The following LMO7 variants were observed in gnomAD, a reference collection of about 807,000 sequenced individuals.
LMO7 encodes LIM domain only protein 7.
Under a neutral mutation model 206.5 loss-of-function variants are expected in LMO7, and 120 were observed. The observed-to-expected ratio is 0.58, with a 90% CI of 0.50 to 0.68. LMO7 has a LOEUF of 0.68. Among genes scored for constraint, LMO7 ranks in the 30% least tolerant of loss-of-function variants. The pLI, the probability that LMO7 is intolerant of heterozygous loss-of-function variation, is 0.00. For missense variants in LMO7, 1,959 were observed against 1,957.9 expected (o/e 1.00, Z -0.01); for synonymous variants, 706 against 681.5 (o/e 1.04, Z -0.56).
At chr13:75,703,852 A>G (rs1320285870) in intron 1 of LMO7, among the ~76,000 whole-genome samples, 2 of 152,216 alleles carry the variant, frequency 1.3e-5, no homozygotes, top group Non-Finnish European at 2.9e-5. Flanking sequence ...GGAAAGAGGT[A>G]GGAGATATTT....
intron 1 of LMO7, among the ~76,000 whole-genome samples, chr13:75,674,408 CA>C (rs912350884): frequency 6.6e-6 from 1 of 152,090 alleles, no homozygotes; most frequent in African/African-American, 2.4e-5. Context: ...GGATTATCAT[CA>C]AATGAAAATA....
chr13:75,629,852 C>T (rs962409290), intron 2 of LMO7, among the ~76,000 whole-genome samples: 3 of 152,078 alleles, frequency 2.0e-5, no homozygotes, highest in Admixed American at 6.6e-5. Flanking sequence ...ACCAAAAAGT[C>T]GTGCATGACC....
intron 4 of LMO7, among the ~76,000 whole-genome samples, chr13:75,776,847 C>T (rs2050577559): frequency 6.6e-6 from 1 of 152,144 alleles, no homozygotes; most frequent in South Asian, 2.1e-4. Flanking sequence ...GTTGATTTTC[C>T]TATCAATTTA....
In LMO7 at chr13:75,817,239, A is replaced by G. The variant is rs778608916; in HGVS notation, c.2025A>G (p.Ile675Met). Residue 675 changes from isoleucine (I) to methionine (M), a missense_variant, in exon 12 of 31, where the codon ATA (isoleucine) becomes ATG (methionine). By Grantham distance (10) the Ile-to-Met change is conservative. Coordinates refer to ENST00000377534, the MANE Select transcript of LMO7 (RefSeq NM_001306080.2). ...TGCGTTACGAGGAGATGCAGAAAAT[A>G]AAATCACAATTAAAAGAACAAGATC... The part of the protein sequence containing the change: ...RQLRYEEMQK[I>M]KSQLKEQDQK... 5.0e-6 allele frequency: 8 copies of G among 1,613,336 alleles called. No individual in the cohort carries two copies. In the Admixed American group the frequency reaches 1.3e-4, roughly 27 times the overall value.
chr13:75,688,366 C>T (rs542545345), intron 1 of LMO7, among the ~76,000 whole-genome samples: 1 of 152,168 alleles, frequency 6.6e-6, no homozygotes, highest in Non-Finnish European at 1.5e-5. Flanking sequence ...TAACAGAAAG[C>T]TCCATTTCAT....
intron 4 of LMO7, among the ~76,000 whole-genome samples, chr13:75,776,086 ATGT>A (rs2050328340): frequency 9.9e-6 from 1 of 101,224 alleles, no homozygotes; most frequent in Non-Finnish European, 1.9e-5. Context: ...GGATAAAGAA[ATGT>A]TGTGGATATA....
chr13:75,676,660 G>A (rs2040042021), intron 1 of LMO7, among the ~76,000 whole-genome samples: 1 of 152,164 alleles, frequency 6.6e-6, no homozygotes, highest in African/African-American at 2.4e-5. Flanking sequence ...AATTGAATGT[G>A]AAATTCAAAC....
chr13:75,809,268 C>T, intron 11 of LMO7, 85 bp downstream of exon 11: 1 of 1,164,236 alleles, frequency 8.6e-7, no homozygotes, highest in African/African-American at 1.5e-5. Flanking sequence ...TGGCATGTCA[C>T]TAAATGGGGT....
intron 3 of LMO7, among the ~76,000 whole-genome samples, chr13:75,737,740 G>C (rs1333790672): frequency 2.3e-5 from 2 of 88,272 alleles, no homozygotes; most frequent in African/African-American, 4.8e-5. Context: ...GCGACAGAGC[G>C]AGACTCCGTC....
intron 28 of LMO7, among the ~76,000 whole-genome samples, chr13:75,854,551 G>T (rs1376434930): frequency 6.6e-6 from 1 of 152,068 alleles, no homozygotes; most frequent in African/African-American, 2.4e-5. Flanking sequence ...CTTAAGCGCC[G>T]TGCTCATGCT....
intron 1 of LMO7, among the ~76,000 whole-genome samples, chr13:75,704,533 T>C (rs1473324272): frequency 5.9e-5 from 9 of 152,232 alleles, no homozygotes; most frequent in Non-Finnish European, 1.3e-4. Context: ...ACAATGTTTT[T>C]CTTTTTGCAC....
intron 6 of LMO7, among the ~76,000 whole-genome samples, chr13:75,799,114 G>T (rs1022902992): frequency 6.6e-6 from 1 of 152,212 alleles, no homozygotes; most frequent in Non-Finnish European, 1.5e-5. Flanking sequence ...TAATGCCAGG[G>T]TGTCGGCATC....
intron 4 of LMO7, among the ~76,000 whole-genome samples, chr13:75,786,945 T>TA (rs1405118859): frequency 2.0e-5 from 3 of 152,218 alleles, no homozygotes; most frequent in South Asian, 2.1e-4. Flanking sequence ...AAGATCAGTT[T>TA]AAAAATCTTA....
chr13:75,838,451 TGTA>T (rs1393596227), intron 20 of LMO7: 7 of 560,670 alleles, frequency 1.2e-5, no homozygotes, highest in South Asian at 2.3e-5. Context: ...TTTTTAACTT[TGTA>T]AAAAAAAAAA....
chr13:75,815,329 A>T (rs1315265828), intron 11 of LMO7, among the ~76,000 whole-genome samples: 1 of 152,156 alleles, frequency 6.6e-6, no homozygotes, highest in Non-Finnish European at 1.5e-5. Flanking sequence ...TGTTCTAGAT[A>T]TATTTAGAAG....
chr13:75,747,684 A>G (rs1444573369), intron 3 of LMO7, among the ~76,000 whole-genome samples: 1 of 152,212 alleles, frequency 6.6e-6, no homozygotes, highest in African/African-American at 2.4e-5. Flanking sequence ...TTAAGGTGGC[A>G]TGGCAGTTGT....
At chr13:75,633,158 T>C (rs2035219513), upstream of LMO7, among the ~76,000 whole-genome samples, 1 of 152,040 alleles carries the variant, frequency 6.6e-6, no homozygotes. Context: ...CCACTGTGCC[T>C]CGCCGCACTT....
At chr13:75,693,138 T>G (rs1201535913) in intron 1 of LMO7, among the ~76,000 whole-genome samples, 1 of 152,162 alleles carries the variant, frequency 6.6e-6, no homozygotes, top group Non-Finnish European at 1.5e-5. Flanking sequence ...TTATCTGGCC[T>G]TTTTTTGGTA....
Position 75,823,869 on chromosome 13 carries a change from C to G in LMO7, c.2945C>G (p.Ser982Cys), listed in dbSNP as rs376307236. 6.2e-7 allele frequency: 1 copy of G among 1,612,560 alleles called. No homozygotes were observed. Among genetic ancestry groups the G allele is most frequent in the Non-Finnish European group, 8.5e-7 (1 of 1,178,846 alleles). ...EISPQREVSR[S>C]QDQFSDMRIS... ...TCCCCACAAAGAGAAGTCTCAAGAT[C>G]CCAGGTGAGTTTGGAAAAGTTCTTT... Residue 982 changes from serine (S) to cysteine (C), a missense_variant, in exon 15 of 31, where the codon TCC becomes TGC. Physicochemically the swap from Ser to Cys is moderately radical, Grantham distance 112. Transcript: ENST00000377534.
Sources: allele counts gnomAD v4.1 joint callset (sites outside exome capture counted in the v4.1 genomes callset), GRCh38; gene constraint gnomAD v4.1.1; transcripts MANE v1.5; gene names NCBI Gene and HGNC (gene_info 2026-07-23, HGNC 2026-07-21).